Variants in DLG2 observed in about 807,000 individuals in gnomAD.
The protein encoded by DLG2 is discs large MAGUK scaffold protein 2.
A neutral mutation model predicts 132.5 loss-of-function variants in DLG2; 45 were observed. The ratio of observed to expected loss-of-function variants is 0.34; its 90% CI spans 0.27 to 0.44. DLG2 has a LOEUF of 0.44. Among genes scored for constraint, DLG2 ranks in the 20% least tolerant of loss-of-function variants. The pLI, the probability that DLG2 is intolerant of heterozygous loss-of-function variation, is 1.00. For missense variants in DLG2, 1,045 were observed against 1,196.9 expected, an observed-to-expected ratio of 0.87 and a Z score of 1.87; for synonymous variants, 424 against 419.6, an observed-to-expected ratio of 1.01 and a Z score of -0.13.
chr11:83,755,663 A>G (rs1055972705), intron 18 of DLG2, among the ~76,000 whole-genome samples: 1 of 151,406 alleles, frequency 6.6e-6, no homozygotes, highest in African/African-American at 2.5e-5. Flanking sequence ...ATTGTAATAA[A>G]TATGTAAGAG....
chr11:85,223,360 A>G (rs1468345834), intron 4 of DLG2, among the ~76,000 whole-genome samples: 1 of 152,154 alleles, frequency 6.6e-6, no homozygotes, highest in Non-Finnish European at 1.5e-5. Flanking sequence ...AAGGATGAGC[A>G]TGGTGGCTTA....
At chr11:83,758,775 C>A (rs2093765359) in intron 18 of DLG2, among the ~76,000 whole-genome samples, 1 of 152,084 alleles carries the variant, frequency 6.6e-6, no homozygotes, top group Non-Finnish European at 1.5e-5. Flanking sequence ...ACTTTCTAGG[C>A]TGATCATTCT....
intron 7 of DLG2, among the ~76,000 whole-genome samples, chr11:84,400,529 T>G (rs907571693): frequency 2.6e-5 from 4 of 152,188 alleles, no homozygotes; most frequent in Admixed American, 2.0e-4. Flanking sequence ...ACACGTCTTC[T>G]TAGGCTCCTA....
chr11:84,730,750 A>T lies in DLG2; in HGVS notation c.358-196019T>A, dbSNP rs138600062. On this transcript the variant is annotated intron_variant, in intron 6 of 27. Coordinates refer to ENST00000376104, the MANE Select transcript of DLG2 (RefSeq NM_001142699.3). ...ATGGCTCTTCTAGCTGCATGAACTA[A>T]ATGAGGTGTCTTACATACCCCCAGG... 1.2e-4 allele frequency among the ~76,000 whole-genome samples: 19 copies of T among 152,048 alleles called. No homozygotes were observed. The East Asian group carries it at 3.3e-3, about 26-fold the overall frequency.
intron 6 of DLG2, among the ~76,000 whole-genome samples, chr11:84,814,416 C>G (rs1413525484): frequency 6.6e-6 from 1 of 152,060 alleles, no homozygotes; most frequent in Non-Finnish European, 1.5e-5. Context: ...CCAGAGTGAT[C>G]AATCCAAAAC....
intron 6 of DLG2, among the ~76,000 whole-genome samples, chr11:84,715,575 A>G (rs1349077282): frequency 1.3e-5 from 2 of 152,046 alleles, no homozygotes; most frequent in African/African-American, 4.8e-5. Context: ...CTGAGTTTGT[A>G]TGTGTTCTAC....
chr11:85,044,934 C>T (rs974058384), intron 6 of DLG2, among the ~76,000 whole-genome samples: 3 of 151,950 alleles, frequency 2.0e-5, no homozygotes, highest in African/African-American at 7.3e-5. Flanking sequence ...AAAATTTTTC[C>T]TCCTATGGCA....
At chr11:83,624,812 A>T (rs1182070362) in intron 19 of DLG2, among the ~76,000 whole-genome samples, 1 of 152,198 alleles carries the variant, frequency 6.6e-6, no homozygotes, top group Non-Finnish European at 1.5e-5. Flanking sequence ...ACTTGGAGGA[A>T]ATCAGTACAA....
chr11:83,562,546 A>T (rs1452978336), intron 19 of DLG2, among the ~76,000 whole-genome samples: 1 of 152,218 alleles, frequency 6.6e-6, no homozygotes, highest in Admixed American at 6.5e-5. Flanking sequence ...GATAATCATT[A>T]TTAAGGCTTT....
At chr11:85,340,264 A>T (rs12417808) in intron 3 of DLG2, among the ~76,000 whole-genome samples, 1,806 of 152,358 alleles carry the variant, frequency 0.012, 107 homozygotes, top group Admixed American at 0.1. Flanking sequence ...GATAGACTAA[A>T]TTAAGAAAAT....
chr11:84,170,177 G>T (rs1031344465), intron 8 of DLG2, among the ~76,000 whole-genome samples: 10 of 152,118 alleles, frequency 6.6e-5, no homozygotes, highest in Admixed American at 6.6e-5. Context: ...TGTTTAAACT[G>T]TATCTTTGCC....
intron 19 of DLG2, among the ~76,000 whole-genome samples, chr11:83,564,314 C>T (rs571307768): frequency 1.8e-4 from 27 of 152,228 alleles, no homozygotes; most frequent in Non-Finnish European, 3.5e-4. Flanking sequence ...ATACCATAGA[C>T]AGGAGCACGA....
intron 6 of DLG2, among the ~76,000 whole-genome samples, chr11:84,778,674 T>C (rs1169912611): frequency 6.6e-6 from 1 of 152,162 alleles, no homozygotes; most frequent in Non-Finnish European, 1.5e-5. Context: ...TGATGGTTAA[T>C]ATTGTGTCAA....
intron 18 of DLG2, among the ~76,000 whole-genome samples, chr11:83,695,413 T>C (rs1320542729): frequency 6.6e-6 from 1 of 152,080 alleles, no homozygotes; most frequent in East Asian, 1.9e-4. Flanking sequence ...AGAAATTATG[T>C]GTGGGGAGGG....
chr11:84,294,643 T>A (rs956044955), intron 7 of DLG2, among the ~76,000 whole-genome samples: 3 of 152,160 alleles, frequency 2.0e-5, no homozygotes, highest in Non-Finnish European at 4.4e-5. Context: ...TTGCTCTCTA[T>A]AAGAGACAAA....
intron 6 of DLG2, among the ~76,000 whole-genome samples, chr11:84,712,468 T>C (rs1181785062): frequency 6.6e-6 from 1 of 152,052 alleles, no homozygotes; most frequent in Non-Finnish European, 1.5e-5. Flanking sequence ...ATCTAGGATT[T>C]TTGTTTTTGG....
At chr11:84,283,998 T>G (rs1447033953) in intron 7 of DLG2, among the ~76,000 whole-genome samples, 2 of 152,134 alleles carry the variant, frequency 1.3e-5, no homozygotes, top group Non-Finnish European at 2.9e-5. Flanking sequence ...CTCAGCACTT[T>G]GGGAGGTAGA....
intron 16 of DLG2, among the ~76,000 whole-genome samples, chr11:83,835,346 GA>G (rs1032993578): frequency 1.8e-4 from 27 of 152,242 alleles, no homozygotes; most frequent in African/African-American, 6.3e-4. Flanking sequence ...GTATTTTGGA[GA>G]GAAAAAAAGG....
At chr11:84,371,807 G>T (rs900843341) in intron 7 of DLG2, among the ~76,000 whole-genome samples, 4 of 151,994 alleles carry the variant, frequency 2.6e-5, no homozygotes, top group African/African-American at 9.7e-5. Flanking sequence ...ATTTCTATGA[G>T]AAAATAATAT....
Sources: allele counts gnomAD v4.1 joint callset (sites outside exome capture counted in the v4.1 genomes callset), GRCh38; gene constraint gnomAD v4.1.1; transcripts MANE v1.5; gene names NCBI Gene and HGNC (gene_info 2026-07-23, HGNC 2026-07-21).